The following TPH2 variants were observed in gnomAD, a reference collection of about 807,000 sequenced individuals.
The protein encoded by TPH2 is tryptophan hydroxylase 2, also known as tryptophan 5-hydroxylase 2.
A neutral mutation model predicts 59.1 loss-of-function variants in TPH2; 27 were observed. The ratio of observed to expected loss-of-function variants is 0.46; its 90% CI spans 0.34 to 0.63. TPH2 has a LOEUF of 0.63. Among genes scored for constraint, TPH2 ranks in the 30% least tolerant of loss-of-function variants. The pLI, the probability that TPH2 is intolerant of heterozygous loss-of-function variation, is 0.01. For missense variants in TPH2, 523 were observed against 588.3 expected, an observed-to-expected ratio of 0.89 and a Z score of 1.15; for synonymous variants, 220 against 210.5, an observed-to-expected ratio of 1.05 and a Z score of -0.39.
chr12:72,015,855 A>G (rs1046613636), intron 8 of TPH2, among the ~76,000 whole-genome samples: 4 of 152,102 alleles, frequency 2.6e-5, no homozygotes, highest in African/African-American at 9.7e-5. Context: ...CGGGGGATGA[A>G]ACCTAGAAAG....
At chr12:71,983,618 C>T (rs562385018) in intron 7 of TPH2, among the ~76,000 whole-genome samples, 7 of 152,258 alleles carry the variant, frequency 4.6e-5, no homozygotes, top group African/African-American at 1.4e-4. Flanking sequence ...CCGTCCACCT[C>T]ATCTTTTAGA....
At chr12:71,985,080 A>G (rs1385182086) in intron 7 of TPH2, among the ~76,000 whole-genome samples, 1 of 152,216 alleles carries the variant, frequency 6.6e-6, no homozygotes, top group South Asian at 2.1e-4. Context: ...TTTTAAGTGT[A>G]ATGTATGGAT....
At chr12:72,010,632 G>A (rs1873076857) in intron 8 of TPH2, among the ~76,000 whole-genome samples, 1 of 152,180 alleles carries the variant, frequency 6.6e-6, no homozygotes, top group Non-Finnish European at 1.5e-5. Context: ...GTCTTGCCTG[G>A]AAAGAAATAG....
intron 4 of TPH2, among the ~76,000 whole-genome samples, chr12:71,946,789 G>C (rs986114105): frequency 1.3e-5 from 2 of 152,090 alleles, no homozygotes; most frequent in African/African-American, 4.8e-5. Flanking sequence ...GGTTGCCGAG[G>C]CTCCCTAGAA....
intron 8 of TPH2, among the ~76,000 whole-genome samples, chr12:72,012,197 A>ATAACAACAACAACAACAACAG (rs1873117521): frequency 6.6e-6 from 1 of 151,140 alleles, no homozygotes; most frequent in African/African-American, 2.5e-5. Context: ...AACAACAACA[A>ATAACAACAACAACAACAACAG]TAACAACAAC....
intron 8 of TPH2, among the ~76,000 whole-genome samples, chr12:72,014,395 C>CTTT (rs71437200): frequency 7.1e-6 from 1 of 139,868 alleles, no homozygotes; most frequent in Non-Finnish European, 1.5e-5. Context: ...TTCTTTTTTT[C>CTTT]TTTTTTTTTT....
At chr12:71,943,624 C>CT (rs1309918655) in intron 2 of TPH2, among the ~76,000 whole-genome samples, 2 of 151,846 alleles carry the variant, frequency 1.3e-5, no homozygotes, top group African/African-American at 2.4e-5. Flanking sequence ...ATTTTTTTAC[C>CT]TTTTTTTCAC....
Position 71,951,702 on chromosome 12 carries a change from ATG to A in TPH2, c.608+2069_608+2070del, listed in dbSNP as rs147723226. On this transcript the variant is annotated intron_variant, in intron 5 of 10. Transcript: ENST00000333850. ...ATGTTTTATGTATGTGTGTGTGTGCATGTGTGTGTGTGTGTGTGTGTGTATAA... is the reference window on the plus strand; with the variant it reads ...ATGTTTTATGTATGTGTGTGTGTGCATGTGTGTGTGTGTGTGTGTGTATAA... Among the ~76,000 whole-genome samples, 1,083 of 148,850 alleles carry A rather than the reference ATG, an allele frequency of 7.3e-3. 11 individuals carry two copies. Among genetic ancestry groups the A allele is most frequent in the African/African-American group, 0.024 (958 of 40,612 alleles).
chr12:71,953,217 G>A (rs1482503734), intron 5 of TPH2, among the ~76,000 whole-genome samples: 2 of 151,182 alleles, frequency 1.3e-5, no homozygotes, highest in African/African-American at 4.9e-5. Flanking sequence ...AGTACTTCTT[G>A]TGAGTGGATG....
intron 6 of TPH2, among the ~76,000 whole-genome samples, chr12:71,973,563 C>T (rs1452600818): frequency 1.3e-5 from 2 of 152,174 alleles, no homozygotes; most frequent in Admixed American, 1.3e-4. Context: ...ATGAATAATC[C>T]ATTCCTTGTT....
intron 6 of TPH2, 54 bp from the exon 7 acceptor site, chr12:71,978,898 C>T: frequency 1.2e-6 from 2 of 1,611,438 alleles, no homozygotes; most frequent in East Asian, 2.2e-5. Flanking sequence ...CCTGCTTGGG[C>T]CCTCAAGTCT....
At chr12:71,961,918 G>A (rs940934854) in intron 5 of TPH2, 3 of 1,063,520 alleles carry the variant, frequency 2.8e-6, no homozygotes, top group African/African-American at 1.7e-5. Flanking sequence ...TTAACAACGC[G>A]AACAAAACAA....
chr12:72,007,897 T>C (rs1246336594), intron 8 of TPH2, among the ~76,000 whole-genome samples: 1 of 152,196 alleles, frequency 6.6e-6, no homozygotes, highest in Admixed American at 6.5e-5. Flanking sequence ...CACACTCTTA[T>C]TGTATTCCTA....
intron 9 of TPH2, among the ~76,000 whole-genome samples, chr12:72,027,707 G>A (rs1209322083): frequency 6.6e-6 from 1 of 152,150 alleles, no homozygotes; most frequent in Non-Finnish European, 1.5e-5. Flanking sequence ...TGGCAAATAA[G>A]TCTTAACTTG....
At position 72,021,452 on chromosome 12, in the gene TPH2, G is replaced by GTT. The variant is rs35958105; in HGVS notation, c.1069-937_1069-936dup. Among the ~76,000 whole-genome samples, 117 of 147,472 alleles carry GTT rather than the reference G, an allele frequency of 7.9e-4. 2 individuals carry two copies. Among genetic ancestry groups the GTT allele is most frequent in the South Asian group, 2.1e-3 (10 of 4,690 alleles). On this transcript the variant is annotated intron_variant, in intron 8 of 10. Coordinates refer to ENST00000333850, the MANE Select transcript of TPH2 (RefSeq NM_173353.4). ...CCAATTTATATTAGATCAACTTACA[G>GTT]TTTTTTTTTTTAACTTCATGATGGT...
intron 7 of TPH2, among the ~76,000 whole-genome samples, chr12:71,980,952 A>ATG (rs1474766480): frequency 6.6e-6 from 1 of 152,228 alleles, no homozygotes; most frequent in African/African-American, 2.4e-5. Flanking sequence ...TTTTTAAAGC[A>ATG]GTTCACATTC....
intron 5 of TPH2, among the ~76,000 whole-genome samples, chr12:71,958,442 T>C (rs1364607973): frequency 1.3e-5 from 2 of 152,232 alleles, no homozygotes; most frequent in Non-Finnish European, 2.9e-5. Flanking sequence ...TTTGTAAAAG[T>C]TATTCTCCTT....
chr12:71,998,414 A>G (rs1007366238), intron 8 of TPH2, among the ~76,000 whole-genome samples: 4 of 152,192 alleles, frequency 2.6e-5, no homozygotes, highest in African/African-American at 9.6e-5. Context: ...TCCTGAAATG[A>G]TACTAAAACT....
In TPH2 at chr12:72,031,819, T is replaced by C. The variant is rs369263366; in HGVS notation, c.*124T>C. 3.7e-6 allele frequency: 4 copies of C among 1,088,472 alleles called. No individual in the cohort carries two copies. Among genetic ancestry groups the C allele is most frequent in the South Asian group, 2.5e-5 (2 of 78,904 alleles). 67.4% of individuals were successfully genotyped at this position (1,088,472 alleles called of 1,614,324 possible). A position where few individuals can be genotyped will look rare whatever the true frequency, so the allele number is the denominator to read the frequency against. On this transcript the variant is annotated 3_prime_UTR_variant, in exon 11 of 11. Coordinates refer to ENST00000333850, the MANE Select transcript of TPH2 (RefSeq NM_173353.4). ...GCTAATAAGCATGCAATTCCATATA[T>C]CTATACCATCTTGTAACTCACTGTG...
Sources: allele counts gnomAD v4.1 joint callset (sites outside exome capture counted in the v4.1 genomes callset), GRCh38; gene constraint gnomAD v4.1.1; transcripts MANE v1.5; gene names NCBI Gene and HGNC (gene_info 2026-07-23, HGNC 2026-07-21).